Variants in KCNIP4 observed in about 807,000 individuals in gnomAD.
KCNIP4 encodes Kv channel-interacting protein 4.
A neutral mutation model predicts 34.0 loss-of-function variants in KCNIP4; 12 were observed. That is an observed-to-expected ratio of 0.35 (90% confidence interval 0.23 to 0.57). The LOEUF is 0.57. Ranked by LOEUF, KCNIP4 falls within the 20% of genes least tolerant of loss-of-function variation. KCNIP4 has a pLI of 0.83. For missense variants in KCNIP4, 238 were observed against 311.7 expected (o/e 0.76, Z 1.78); for synonymous variants, 124 against 102.2 (o/e 1.21, Z -1.29).
rs1428063989 is a variant in KCNIP4, at chr4:21,083,689, T to G, written c.62-200980A>C. ...TCTCCTAAAGCCATTAAAAGGAATG[T>G]GACCCTATTGGCACCTTTAATTCTG... On this transcript the variant is annotated intron_variant, in intron 1 of 8. Coordinates refer to ENST00000382152, the MANE Select transcript of KCNIP4 (RefSeq NM_025221.6). Among the ~76,000 whole-genome samples, 2 of 151,910 alleles carry G rather than the reference T, an allele frequency of 1.3e-5. 1 individual carries two copies. The highest frequency in any genetic ancestry group is 4.9e-5 in the African/African-American group (2 of 41,236).
chr4:21,827,531 G>GATAATC lies in KCNIP4; in HGVS notation c.61+121034_61+121039dup, dbSNP rs1182368322. On this transcript the variant is annotated intron_variant, in intron 1 of 8. Transcript: ENST00000382152. ...AACAAAGTGAAAGCAGAAACTAATA[G>GATAATC]ATAATCAAGCATCAAAGTTTGGTTA... 2.6e-5 allele frequency among the ~76,000 whole-genome samples: 4 copies of GATAATC among 151,966 alleles called. No individual in the cohort carries two copies. The East Asian group carries it at 7.7e-4, about 29-fold the overall frequency.
chr4:21,049,004 G>T (rs1211413787), intron 1 of KCNIP4, among the ~76,000 whole-genome samples: 1 of 139,170 alleles, frequency 7.2e-6, no homozygotes, highest in Non-Finnish European at 1.5e-5. Flanking sequence ...AGGCTGGAGT[G>T]CAGTGGCGCG....
intron 1 of KCNIP4, among the ~76,000 whole-genome samples, chr4:21,455,190 G>A (rs6843171): frequency 0.31 from 47,059 of 151,538 alleles, 8,145 homozygotes; most frequent in Non-Finnish European, 0.39. Flanking sequence ...TCTACACCTG[G>A]CCCAATCAGA....
chr4:20,740,176 G>A (rs901436979), intron 5 of KCNIP4, among the ~76,000 whole-genome samples: 1 of 152,006 alleles, frequency 6.6e-6, no homozygotes, highest in African/African-American at 2.4e-5. Context: ...ATATTATCCA[G>A]GAGAACTTGC....
chr4:21,874,903 C>T (rs557222817), intron 1 of KCNIP4, among the ~76,000 whole-genome samples: 4 of 152,144 alleles, frequency 2.6e-5, no homozygotes, highest in African/African-American at 9.6e-5. Context: ...CCTCTGGGCT[C>T]ATAAGATTTC....
At chr4:20,794,171 C>A (rs973720605) in intron 3 of KCNIP4, among the ~76,000 whole-genome samples, 2 of 152,136 alleles carry the variant, frequency 1.3e-5, no homozygotes, top group African/African-American at 4.8e-5. Context: ...TTTTTCTTCC[C>A]AGTCTCGGGT....
chr4:21,693,428 G>A (rs926778044), intron 1 of KCNIP4, among the ~76,000 whole-genome samples: 30 of 152,058 alleles, frequency 2.0e-4, no homozygotes, highest in South Asian at 6.2e-4. Context: ...GAGCTTGGTG[G>A]AGAGCGCCTG....
At chr4:21,628,496 C>T (rs545360219) in intron 1 of KCNIP4, among the ~76,000 whole-genome samples, 23 of 152,244 alleles carry the variant, frequency 1.5e-4, no homozygotes, top group African/African-American at 5.5e-4. Context: ...CCCAGGCACT[C>T]AATACTAGTG....
intron 1 of KCNIP4, among the ~76,000 whole-genome samples, chr4:21,549,480 C>A (rs1324760560): frequency 6.6e-6 from 1 of 151,896 alleles, no homozygotes; most frequent in Non-Finnish European, 1.5e-5. Context: ...CTCTTGCTCC[C>A]TCTCTCATCA....
intron 1 of KCNIP4, among the ~76,000 whole-genome samples, chr4:21,894,962 C>A (rs1382782537): frequency 6.6e-6 from 1 of 152,118 alleles, no homozygotes; most frequent in Non-Finnish European, 1.5e-5. Context: ...CCTCATTATC[C>A]CTGTCCCTTT....
intron 1 of KCNIP4, among the ~76,000 whole-genome samples, chr4:21,681,492 G>C (rs1056650505): frequency 2.0e-5 from 3 of 152,164 alleles, no homozygotes; most frequent in Admixed American, 6.5e-5. Flanking sequence ...TGAATAAGCT[G>C]CTGCGGCTTC....
At chr4:21,044,440 T>C (rs1742255276) in intron 1 of KCNIP4, among the ~76,000 whole-genome samples, 1 of 152,110 alleles carries the variant, frequency 6.6e-6, no homozygotes. Flanking sequence ...GCCTCCCAAG[T>C]AGCTGGGACT....
At chr4:20,797,831 C>T (rs60763563) in intron 3 of KCNIP4, among the ~76,000 whole-genome samples, 2 of 152,084 alleles carry the variant, frequency 1.3e-5, no homozygotes, top group African/African-American at 2.4e-5. Flanking sequence ...TGATCTTAGA[C>T]GTGGATTTTC....
chr4:21,446,627 G>C (rs552637151), intron 1 of KCNIP4, among the ~76,000 whole-genome samples: 23 of 120,560 alleles, frequency 1.9e-4, no homozygotes, highest in African/African-American at 6.9e-4. Context: ...GCCTGTTGTG[G>C]GGTGGGGGGA....
chr4:21,628,321 A>G (rs555077671), intron 1 of KCNIP4, among the ~76,000 whole-genome samples: 1 of 152,274 alleles, frequency 6.6e-6, no homozygotes, highest in South Asian at 2.1e-4. Flanking sequence ...GCATACCTCA[A>G]TCCTGCCGAG....
chr4:21,761,381 A>C (rs1277382470), intron 1 of KCNIP4, among the ~76,000 whole-genome samples: 2 of 152,286 alleles, frequency 1.3e-5, no homozygotes, highest in East Asian at 3.9e-4. Flanking sequence ...AAATTCAAAT[A>C]ATCTAAAATT....
rs144440285 is a variant in KCNIP4, at chr4:21,137,871, C to CTTTTTTTTTTTTTTTT, written c.62-255163_62-255162insAAAAAAAAAAAAAAAA. 8.5e-5 allele frequency among the ~76,000 whole-genome samples: 10 copies of CTTTTTTTTTTTTTTTT among 118,150 alleles called. 1 individual carries two copies. The highest frequency in any genetic ancestry group is 1.1e-4 in the African/African-American group (3 of 28,064). The allele number at this position is 118,150 out of a possible 152,430, so 77.5% of individuals were successfully genotyped here. A position where few individuals can be genotyped will look rare whatever the true frequency, so the allele number is the denominator to read the frequency against. On this transcript the variant is annotated intron_variant, in intron 1 of 8. Coordinates refer to ENST00000382152, the MANE Select transcript of KCNIP4 (RefSeq NM_025221.6). ...ATGAAGGCTTTTTCCCTTACACAGG[C>CTTTTTTTTTTTTTTTT]TTTTTTGTTTTTTTTTTTTTGATGG...
At chr4:21,850,871 G>A (rs996315824) in intron 1 of KCNIP4, 6 of 151,958 alleles carry the variant, frequency 3.9e-5, no homozygotes, top group African/African-American at 1.5e-4. Context: ...CATTAACCGT[G>A]CACTCAACAT....
At chr4:21,128,092 T>G (rs949341322) in intron 1 of KCNIP4, among the ~76,000 whole-genome samples, 1 of 152,196 alleles carries the variant, frequency 6.6e-6, no homozygotes, top group Non-Finnish European at 1.5e-5. Flanking sequence ...CTTGACTTAA[T>G]AAGCTGGAGA....
Sources: gnomAD v4.1 joint callset for allele counts (sites outside exome capture counted in the v4.1 genomes callset) on GRCh38, gnomAD v4.1.1 for gene constraint, MANE v1.5 for transcripts, NCBI Gene and HGNC (gene_info 2026-07-23, HGNC 2026-07-21) for gene names.